FRMPD4: variants seen among roughly 807,000 people sequenced by gnomAD.
FRMPD4 encodes FERM and PDZ domain containing 4, also known as FERM and PDZ domain-containing protein 4.
A neutral mutation model predicts 94.1 loss-of-function variants in FRMPD4; 22 were observed. The observed-to-expected ratio is 0.23, with a 90% CI of 0.17 to 0.33. FRMPD4 has a LOEUF of 0.33. Ranked by LOEUF, FRMPD4 falls within the 10% of genes least tolerant of loss-of-function variation. The probability of loss-of-function intolerance (pLI) is 1.00; values close to 1 mark genes in which losing one functional copy is unlikely to be tolerated. For synonymous variants in FRMPD4, 631 were observed against 548.6 expected (o/e 1.15, Z -2.10); for missense variants, 1,111 against 1,339.9 (o/e 0.83, Z 2.67).
chrX:12,424,558 T>C (rs1374139691), intron 1 of FRMPD4, among the ~76,000 whole-genome samples: 1 of 112,325 alleles, frequency 8.9e-6, no homozygotes, highest in Non-Finnish European at 1.9e-5. Flanking sequence ...CTTGTTAAAA[T>C]ACAGACTCTG....
intron 3 of FRMPD4, among the ~76,000 whole-genome samples, chrX:12,050,546 A>C (rs912307662): frequency 8.9e-6 from 1 of 112,120 alleles, no homozygotes; most frequent in Middle Eastern, 4.2e-3. Flanking sequence ...GTTAAGCAAC[A>C]CATGACTGTA....
intron 3 of FRMPD4, among the ~76,000 whole-genome samples, chrX:12,132,240 A>G (rs769680643): frequency 2.0e-3 from 109 of 55,037 alleles, no homozygotes; most frequent in Non-Finnish European, 2.8e-3. Context: ...TTTAGGAGGG[A>G]AAAAAAAAAA....
At chrX:12,275,578 G>A (rs2054422648) in intron 1 of FRMPD4, among the ~76,000 whole-genome samples, 2 of 108,960 alleles carry the variant, frequency 1.8e-5, no homozygotes, top group African/African-American at 6.7e-5. Flanking sequence ...ATTCGAAGGT[G>A]TGTGGATGCA....
At chrX:12,288,807 T>G (rs2054640497) in intron 1 of FRMPD4, among the ~76,000 whole-genome samples, 1 of 111,904 alleles carries the variant, frequency 8.9e-6, no homozygotes, top group Admixed American at 9.5e-5. Flanking sequence ...TGGACACTAT[T>G]TGTCCCTCCT....
intron 4 of FRMPD4, among the ~76,000 whole-genome samples, chrX:12,624,463 T>C (rs1312135947): frequency 9.0e-6 from 1 of 111,632 alleles, no homozygotes; most frequent in Non-Finnish European, 1.9e-5. Context: ...ATTATAACTA[T>C]AAGGTGTTTT....
At chrX:12,649,101 G>C (rs997310435) in intron 4 of FRMPD4, among the ~76,000 whole-genome samples, 7 of 112,180 alleles carry the variant, frequency 6.2e-5, no homozygotes, top group African/African-American at 1.9e-4. Context: ...GAGTGAGGGA[G>C]TGACTGTCAG....
intron 1 of FRMPD4, among the ~76,000 whole-genome samples, chrX:11,859,972 A>C (rs1035577985): frequency 1.8e-4 from 20 of 111,502 alleles, no homozygotes; most frequent in African/African-American, 6.2e-4. Context: ...TACCCTTTAT[A>C]CTGGAGGATC....
intron 1 of FRMPD4, among the ~76,000 whole-genome samples, chrX:12,409,847 G>A (rs1330824733): frequency 9.0e-6 from 1 of 111,371 alleles, no homozygotes; most frequent in Non-Finnish European, 1.9e-5. Flanking sequence ...GGGCAAAAAG[G>A]TACCAAGTAA....
intron 1 of FRMPD4, among the ~76,000 whole-genome samples, chrX:12,148,917 AAGCACACTGTTG>A (rs1451838809): frequency 1.8e-5 from 2 of 112,104 alleles, no homozygotes; most frequent in Non-Finnish European, 3.8e-5. Context: ...TGAATATTTT[AAGCACACTGTTG>A]AGACTTATAT....
At position 12,717,544 on chromosome X, in the gene FRMPD4, C is replaced by T. The variant is rs1418240407; in HGVS notation, c.2718C>T (p.Asp906=). 2 of 1,203,687 alleles carry T rather than the reference C, an allele frequency of 1.7e-6. No homozygotes were observed. Among genetic ancestry groups the T allele is most frequent in the South Asian group, 3.5e-5 (2 of 56,772 alleles). ...LRAYSPESSS[D]SGNETNSSEM... ...CTTATAGTCCTGAGTCTTCGTCAGA[C>T]TCGGGCAATGAAACTAACTCTTCTG... The change falls in exon 16 of 17, where the codon GAC becomes GAT. Residue 906 remains aspartate, a synonymous_variant. Transcript: ENST00000675598.
chrX:12,341,267 A>T (rs928542323), intron 1 of FRMPD4, among the ~76,000 whole-genome samples: 2 of 111,620 alleles, frequency 1.8e-5, no homozygotes, highest in Non-Finnish European at 3.8e-5. Flanking sequence ...ATTTTAGGAA[A>T]TATATCAAAA....
At chrX:12,499,977 C>T (rs917777057) in intron 2 of FRMPD4, among the ~76,000 whole-genome samples, 3 of 111,993 alleles carry the variant, frequency 2.7e-5, no homozygotes, top group Non-Finnish European at 5.6e-5. Flanking sequence ...AAACTGTTTT[C>T]TGGAGTGGCT....
intron 8 of FRMPD4, among the ~76,000 whole-genome samples, chrX:12,690,635 G>A (rs1184618017): frequency 1.8e-5 from 2 of 111,885 alleles, no homozygotes; most frequent in Non-Finnish European, 3.8e-5. Context: ...CACCTGTTTT[G>A]GTCAACAATC....
chrX:12,622,015 A>AAAGAAAGAAAGAAATAAAGG (rs1398888625), intron 4 of FRMPD4, among the ~76,000 whole-genome samples: 1 of 22,005 alleles, frequency 4.5e-5, no homozygotes, highest in Non-Finnish European at 8.3e-5. Context: ...AGAAAGAAAG[A>AAAGAAAGAAAGAAATAAAGG]AAGGAAGGAA....
chrX:12,543,394 A>C (rs1366454374), intron 2 of FRMPD4, among the ~76,000 whole-genome samples: 2 of 112,183 alleles, frequency 1.8e-5, no homozygotes, highest in African/African-American at 6.5e-5. Flanking sequence ...AACTCACAAG[A>C]AAAAAACAAA....
intron 1 of FRMPD4, among the ~76,000 whole-genome samples, chrX:11,848,829 A>G (rs1264392531): frequency 9.0e-6 from 1 of 111,699 alleles, no homozygotes; most frequent in Non-Finnish European, 1.9e-5. Flanking sequence ...ACTATATTCA[A>G]TATGTTCTAT....
At chrX:12,481,467 C>A (rs1202833821) in intron 1 of FRMPD4, among the ~76,000 whole-genome samples, 2 of 111,109 alleles carry the variant, frequency 1.8e-5, no homozygotes, top group African/African-American at 6.5e-5. Flanking sequence ...ACAATTGACC[C>A]TTGAACAACT....
At chrX:12,559,306 A>T (rs2058627251) in intron 2 of FRMPD4, among the ~76,000 whole-genome samples, 1 of 112,028 alleles carries the variant, frequency 8.9e-6, no homozygotes, top group Non-Finnish European at 1.9e-5. Context: ...AAGTGACAAA[A>T]GATTTTTCTA....
intron 3 of FRMPD4, among the ~76,000 whole-genome samples, chrX:12,080,144 C>T (rs5933954): frequency 0.14 from 16,124 of 111,592 alleles, 1,190 homozygotes; most frequent in African/African-American, 0.27. Context: ...TGTGGCTCTC[C>T]ACTTTTCCCT....
Sources: allele counts gnomAD v4.1 joint callset (sites outside exome capture counted in the v4.1 genomes callset), GRCh38; gene constraint gnomAD v4.1.1; transcripts MANE v1.5; gene names NCBI Gene and HGNC (gene_info 2026-07-23, HGNC 2026-07-21).